Variants in CLYBL observed in about 807,000 individuals in gnomAD.
CLYBL encodes citramalyl-CoA lyase, also known as citramalyl-CoA lyase, mitochondrial.
In CLYBL, 31 loss-of-function variants were observed where a neutral mutation model predicts 38.9. The ratio of observed to expected loss-of-function variants is 0.80; its 90% confidence interval spans 0.60 to 1.08. The LOEUF (loss-of-function observed/expected upper bound fraction) is 1.08. Among genes scored for constraint, CLYBL ranks in the 50% least tolerant of loss-of-function variants. The pLI, the probability that CLYBL is intolerant of heterozygous loss-of-function variation, is 0.00. For synonymous variants in CLYBL, 171 were observed against 158.6 expected (o/e 1.08, Z -0.59); for missense variants, 434 against 411.6 (o/e 1.05, Z -0.47).
chr13:99,824,257 G>GCCCCACCCCCCCCCCCC (rs2050646935), intron 2 of CLYBL, among the ~76,000 whole-genome samples: 2 of 130,414 alleles, frequency 1.5e-5, no homozygotes, highest in African/African-American at 2.9e-5. Flanking sequence ...CTGACTAATA[G>GCCCCACCCCCCCCCCCC]CCCCCCCCAC....
intron 2 of CLYBL, among the ~76,000 whole-genome samples, chr13:99,834,159 C>T (rs1205117733): frequency 1.3e-5 from 2 of 152,108 alleles, no homozygotes; most frequent in Non-Finnish European, 2.9e-5. Flanking sequence ...GCCTGGTTCA[C>T]GCAGCTTTAA....
At chr13:99,806,556 T>C (rs2050236188) in intron 2 of CLYBL, among the ~76,000 whole-genome samples, 1 of 152,168 alleles carries the variant, frequency 6.6e-6, no homozygotes. Context: ...CTTGGGCAAG[T>C]TAATATTTCA....
At chr13:99,612,313 C>G (rs2793755) in intron 1 of CLYBL, among the ~76,000 whole-genome samples, 128,200 of 150,264 alleles carry the variant, frequency 0.85, 54,771 homozygotes, top group Middle Eastern at 0.91. Context: ...CCTACCTTCA[C>G]CTTACTTTGG....
At chr13:99,718,356 CT>C (rs1355055261) in intron 1 of CLYBL, among the ~76,000 whole-genome samples, 1 of 149,728 alleles carries the variant, frequency 6.7e-6, no homozygotes, top group African/African-American at 2.5e-5. Context: ...TTAACCTCCC[CT>C]GATAGATTAA....
In CLYBL at chr13:99,647,067, C is replaced by T. The variant is rs546389037; in HGVS notation, c.62+40310C>T. ...CTTGTCACTGCCAAGCTGTGCAGTG[C>T]ATCACCATCCATGGTGCTCATGGGC... is the stretch of plus-strand genomic sequence containing the variant. On this transcript the variant is annotated intron_variant, in intron 1 of 8. Transcript: ENST00000339105. Among the ~76,000 whole-genome samples, 5 of 152,324 alleles carry T rather than the reference C, an allele frequency of 3.3e-5. No individual in the cohort carries two copies. In the East Asian group the frequency reaches 9.7e-4, roughly 29 times the overall value.
At chr13:99,707,036 A>G (rs764290536) in intron 1 of CLYBL, among the ~76,000 whole-genome samples, 40 of 152,008 alleles carry the variant, frequency 2.6e-4, no homozygotes, top group Non-Finnish European at 4.7e-4. Context: ...GATTTTAAAC[A>G]TATTAGGCAT....
chr13:99,763,182 T>C (rs1475136253), intron 1 of CLYBL, among the ~76,000 whole-genome samples: 1 of 152,234 alleles, frequency 6.6e-6, no homozygotes, highest in East Asian at 1.9e-4. Flanking sequence ...CTAATTGCTC[T>C]GGTCAGGATC....
intron 2 of CLYBL, among the ~76,000 whole-genome samples, chr13:99,790,783 C>T (rs2049898559): frequency 6.6e-6 from 1 of 152,200 alleles, no homozygotes; most frequent in African/African-American, 2.4e-5. Flanking sequence ...AACTGGAATC[C>T]TGAACTCTCC....
At chr13:99,863,555 A>G (rs140488954) in intron 4 of CLYBL, among the ~76,000 whole-genome samples, 257 of 152,348 alleles carry the variant, frequency 1.7e-3, no homozygotes, top group African/African-American at 5.8e-3. Flanking sequence ...TTGTAAGTTC[A>G]TGCACACAAA....
chr13:99,825,249 C>T (rs1252496190), intron 2 of CLYBL, among the ~76,000 whole-genome samples: 2 of 152,148 alleles, frequency 1.3e-5, no homozygotes, highest in African/African-American at 2.4e-5. Flanking sequence ...GCTTGGCCCT[C>T]GGATGGCTGT....
At chr13:99,863,281 A>T (rs1041907821) in intron 4 of CLYBL, among the ~76,000 whole-genome samples, 189 bp downstream of exon 4, 1 of 152,202 alleles carries the variant, frequency 6.6e-6, no homozygotes, top group African/African-American at 2.4e-5. Context: ...GAAAACAATG[A>T]AATCAGTTAG....
chr13:99,708,700 G>T (rs545543216), intron 1 of CLYBL, among the ~76,000 whole-genome samples: 1 of 152,310 alleles, frequency 6.6e-6, no homozygotes, highest in African/African-American at 2.4e-5. Flanking sequence ...GGATTGAATT[G>T]TGTTGCCTCC....
intron 9 of CLYBL, among the ~76,000 whole-genome samples, chr13:99,905,920 T>C (rs1455109390): frequency 6.6e-6 from 1 of 152,030 alleles, no homozygotes; most frequent in Non-Finnish European, 1.5e-5. Flanking sequence ...ACTACAGGCC[T>C]GTGCCACCAC....
At chr13:99,799,234 A>G (rs1002691820) in intron 2 of CLYBL, among the ~76,000 whole-genome samples, 3 of 152,220 alleles carry the variant, frequency 2.0e-5, no homozygotes, top group Non-Finnish European at 4.4e-5. Context: ...AGAGCTGGAA[A>G]GAACTTTGAC....
chr13:99,748,443 T>G (rs144880271), intron 1 of CLYBL, among the ~76,000 whole-genome samples: 2,283 of 67,972 alleles, frequency 0.034, 28 homozygotes, highest in South Asian at 0.18. Context: ...TTTTTTTTTT[T>G]TTTTTTTTTT....
intron 1 of CLYBL, among the ~76,000 whole-genome samples, chr13:99,650,806 C>T (rs900211019): frequency 1.4e-4 from 22 of 152,180 alleles, no homozygotes; most frequent in Non-Finnish European, 2.8e-4. Flanking sequence ...TTTCTGAACA[C>T]AGACGTCATT....
chr13:99,810,385 A>C (rs1021690011), intron 2 of CLYBL, among the ~76,000 whole-genome samples: 2 of 152,204 alleles, frequency 1.3e-5, no homozygotes, highest in Non-Finnish European at 2.9e-5. Context: ...AAGGATGGAG[A>C]GGAGGTAACT....
At chr13:99,778,870 GA>G (rs2138825158) in intron 2 of CLYBL, among the ~76,000 whole-genome samples, 3 of 152,304 alleles carry the variant, frequency 2.0e-5, no homozygotes, top group African/African-American at 7.2e-5. Flanking sequence ...CATTTCAGTT[GA>G]ATGGATATTT....
At chr13:99,856,263 C>G (rs1022243627) in intron 2 of CLYBL, among the ~76,000 whole-genome samples, 1 of 152,176 alleles carries the variant, frequency 6.6e-6, no homozygotes, top group Admixed American at 6.5e-5. Flanking sequence ...GCTTCAAGAT[C>G]AGATTTTGTT....
Sources: allele counts gnomAD v4.1 joint callset (sites outside exome capture counted in the v4.1 genomes callset), GRCh38; gene constraint gnomAD v4.1.1; transcripts MANE v1.5; gene names NCBI Gene and HGNC (gene_info 2026-07-23, HGNC 2026-07-21).